Variants in CHD9 observed in about 807,000 individuals in gnomAD.
CHD9 encodes the protein chromodomain helicase DNA binding protein 9, also known as ATP-dependent chromatin remodeler CHD9.
CHD9 carries 77 observed loss-of-function variants against 316.1 expected under a neutral mutation model. The observed-to-expected ratio is 0.24, with a 90% CI of 0.20 to 0.29. CHD9 has a LOEUF of 0.29. CHD9 is among the 10% of genes least tolerant of loss of function. The pLI is 1.00. For synonymous variants in CHD9, 1,129 were observed against 1,158.3 expected (o/e 0.97, Z 0.51); for missense variants, 2,763 against 3,438.1 (o/e 0.80, Z 4.91).
chr16:53,095,938 GA>G (rs1470442937), intron 1 of CHD9, among the ~76,000 whole-genome samples: 4 of 152,106 alleles, frequency 2.6e-5, no homozygotes, highest in African/African-American at 9.7e-5. Context: ...TTTTCCAACT[GA>G]AAGGGTATTA....
At chr16:53,320,263 G>A (rs906534495) in intron 37 of CHD9, among the ~76,000 whole-genome samples, 1 of 151,702 alleles carries the variant, frequency 6.6e-6, no homozygotes, top group East Asian at 1.9e-4. Flanking sequence ...GCTCAGGCCT[G>A]TAATGACAAC....
At chr16:53,208,200 A>G (rs1448115264) in intron 2 of CHD9, 12 of 1,148,946 alleles carry the variant, frequency 1.0e-5, no homozygotes, top group South Asian at 1.8e-5. Flanking sequence ...AGGGTTGTGC[A>G]TCTCTTGGTT....
intron 22 of CHD9, among the ~76,000 whole-genome samples, chr16:53,271,606 A>G (rs1479087779): frequency 6.6e-6 from 1 of 151,906 alleles, no homozygotes; most frequent in South Asian, 2.1e-4. Context: ...AGAAAAAAAA[A>G]CATTAAAATG....
At chr16:53,278,856 A>G (rs2053129621) in intron 24 of CHD9, among the ~76,000 whole-genome samples, 2 of 152,134 alleles carry the variant, frequency 1.3e-5, no homozygotes, top group Admixed American at 1.3e-4. Flanking sequence ...AAGTCAGGAA[A>G]CAACAGGTGC....
Position 53,307,906 on chromosome 16 carries a change from G to C in CHD9, c.7006G>C (p.Val2336Leu). The change falls in exon 33 of 39, where the codon GTG becomes CTG. Residue 2336 changes from valine (V) to leucine (L), a missense_variant. Val to Leu is a conservative substitution (Grantham distance 32). This residue lies in a region of CHD9 where 663 missense variants were observed against 751.2 expected (regional missense o/e 0.88). Coordinates refer to ENST00000447540, the MANE Select transcript of CHD9 (RefSeq NM_001308319.2). ...TGATCAGTCAACACAGATGTCAAAG[G>C]TGAAGAAGCATGTACGAGAAAAGGA... ...EHDQSTQMSK[V>L]KKHVREKEFT... 6.2e-7 allele frequency: 1 copy of C among 1,613,392 alleles called. No homozygotes were observed. Among genetic ancestry groups the C allele is most frequent in the Non-Finnish European group, 8.5e-7 (1 of 1,179,680 alleles).
chr16:53,070,512 CCTTCCTTCCTTCCTTCCTTCCTCT>C (rs780781907), intron 1 of CHD9, among the ~76,000 whole-genome samples: 1 of 128,374 alleles, frequency 7.8e-6, no homozygotes, highest in African/African-American at 3.1e-5. Context: ...TTCCTTCCTT[CCTTCCTTCCTTCCTTCCTTCCTCT>C]CTCTCTCTCT....
chr16:53,065,815 A>G (rs1490987655), intron 1 of CHD9, among the ~76,000 whole-genome samples: 1 of 151,822 alleles, frequency 6.6e-6, no homozygotes, highest in Non-Finnish European at 1.5e-5. Flanking sequence ...CTCACGCATC[A>G]CCATTTCTCT....
At chr16:53,319,551 G>T (rs2057125618) in intron 37 of CHD9, among the ~76,000 whole-genome samples, 1 of 152,074 alleles carries the variant, frequency 6.6e-6, no homozygotes, top group African/African-American at 2.4e-5. Flanking sequence ...CATTTCAGTA[G>T]CATTTTACTT....
chr16:53,235,880 C>T (rs1253686209), intron 11 of CHD9, among the ~76,000 whole-genome samples: 4 of 151,916 alleles, frequency 2.6e-5, no homozygotes, highest in African/African-American at 9.7e-5. Context: ...AATGTTACTG[C>T]GATTGAGAAA....
chr16:53,058,088 T>G (rs949075344), intron 1 of CHD9, among the ~76,000 whole-genome samples: 3 of 152,188 alleles, frequency 2.0e-5, no homozygotes, highest in Admixed American at 6.5e-5. Context: ...TGTATATATA[T>G]CAACAATATA....
chr16:53,227,236 TA>T (rs1443285904), intron 5 of CHD9, 159 bp from the exon 6 acceptor site: 17 of 530,302 alleles, frequency 3.2e-5, no homozygotes, highest in Admixed American at 1.3e-4. Context: ...GACAATGATA[TA>T]TTTTTTTCAT....
chr16:53,185,813 G>A (rs1380520749), intron 2 of CHD9, among the ~76,000 whole-genome samples: 1 of 152,254 alleles, frequency 6.6e-6, no homozygotes, highest in East Asian at 1.9e-4. Context: ...TTCAGAGGGT[G>A]CAAGCCCCAA....
At chr16:53,096,335 C>T (rs1359885480) in intron 1 of CHD9, among the ~76,000 whole-genome samples, 2 of 152,076 alleles carry the variant, frequency 1.3e-5, no homozygotes, top group African/African-American at 4.8e-5. Context: ...ATGCCGGGTA[C>T]CTCATCATTA....
chr16:53,126,586 CTTT>C (rs200069064), intron 1 of CHD9, among the ~76,000 whole-genome samples: 9 of 117,636 alleles, frequency 7.7e-5, no homozygotes, highest in Admixed American at 2.6e-4. Context: ...TTTCAGGATC[CTTT>C]TTTTTTTTTT....
At chr16:53,108,351 A>C (rs1211153021) in intron 1 of CHD9, among the ~76,000 whole-genome samples, 2 of 143,010 alleles carry the variant, frequency 1.4e-5, no homozygotes, top group Non-Finnish European at 3.2e-5. Flanking sequence ...AAAATACAAA[A>C]AAATTTAGCC....
chr16:53,284,421 T>A (rs997341878), intron 24 of CHD9, among the ~76,000 whole-genome samples: 1 of 151,900 alleles, frequency 6.6e-6, no homozygotes, highest in Non-Finnish European at 1.5e-5. Context: ...TATAAATTGA[T>A]ACTTAATCAT....
intron 29 of CHD9, among the ~76,000 whole-genome samples, chr16:53,293,903 A>G (rs2054565871): frequency 6.6e-6 from 1 of 152,100 alleles, no homozygotes. Flanking sequence ...AGCCAGTATC[A>G]TACCACTGAA....
chr16:53,120,747 G>A (rs1410001198), intron 1 of CHD9, among the ~76,000 whole-genome samples: 1 of 152,256 alleles, frequency 6.6e-6, no homozygotes, highest in African/African-American at 2.4e-5. Context: ...GCTCACGCCT[G>A]TAATCTCAGC....
Position 53,314,387 on chromosome 16 carries a change from T to C in CHD9, c.7233T>C (p.Ile2411=). ...PKSIPVSGTS[I]QPTLGANGVI... is the part of the protein sequence containing the mutation. ...TTTTAATTCAATTAGGTACTTCCAT[T>C]CAACCAACCCTTGGTGCCAATGGTG... Residue 2411 remains isoleucine, a synonymous_variant, in exon 35 of 39, where the codon ATT becomes ATC. Transcript: ENST00000447540. 1 of 1,567,898 alleles carries C rather than the reference T, an allele frequency of 6.4e-7. No homozygotes were observed. Among genetic ancestry groups the C allele is most frequent in the African/African-American group, 1.4e-5 (1 of 73,548 alleles).
Sources: allele counts gnomAD v4.1 joint callset (sites outside exome capture counted in the v4.1 genomes callset), GRCh38; gene constraint gnomAD v4.1.1; regional missense constraint gnomAD v4.1.1; transcripts MANE v1.5; gene names NCBI Gene and HGNC (gene_info 2026-07-23, HGNC 2026-07-21).